The following RABGAP1L variants were observed in gnomAD, a reference collection of about 807,000 sequenced individuals.
RABGAP1L encodes rab GTPase-activating protein 1-like.
RABGAP1L carries 63 observed loss-of-function variants against 137.7 expected under a neutral mutation model. That is an observed-to-expected ratio of 0.46 (90% confidence interval 0.37 to 0.56). The LOEUF (loss-of-function observed/expected upper bound fraction) is 0.56. Ranked by LOEUF, RABGAP1L falls within the 20% of genes least tolerant of loss-of-function variation. The pLI is 0.00. For missense variants in RABGAP1L, 1,095 were observed against 1,244.0 expected (o/e 0.88, Z 1.80); for synonymous variants, 431 against 433.7 (o/e 0.99, Z 0.08).
intron 13 of RABGAP1L, among the ~76,000 whole-genome samples, chr1:174,461,182 T>G (rs1656645353): frequency 6.6e-6 from 1 of 152,196 alleles, no homozygotes; most frequent in Admixed American, 6.5e-5. Context: ...TCTGCCTTTG[T>G]TGCAGTGATA....
intron 17 of RABGAP1L, among the ~76,000 whole-genome samples, chr1:174,744,914 A>G (rs1683753277): frequency 6.6e-6 from 1 of 152,194 alleles, no homozygotes; most frequent in Non-Finnish European, 1.5e-5. Context: ...GGTAAAACTG[A>G]GTGAAGGATA....
chr1:174,449,123 T>C lies in RABGAP1L; in HGVS notation c.1710+54978T>C, dbSNP rs1051949102. The C allele has an allele frequency of 1.2e-6, 2 of 1,612,888 alleles. No homozygotes were observed. Among genetic ancestry groups the C allele is most frequent in the Admixed American group, 1.7e-5 (1 of 59,972 alleles). On this transcript the variant is annotated intron_variant, in intron 13 of 25. Transcript: ENST00000681986. ...AAGACTGTCTGAGACAATGTGCACA[T>C]CCTGTATGTGTGTGAAGGATCAGGA...
At chr1:174,358,552 T>G (rs1286625954) in intron 11 of RABGAP1L, among the ~76,000 whole-genome samples, 1 of 152,198 alleles carries the variant, frequency 6.6e-6, no homozygotes, top group Non-Finnish European at 1.5e-5. Context: ...TGTGACACTT[T>G]CACATCTTTC....
intron 13 of RABGAP1L, among the ~76,000 whole-genome samples, chr1:174,586,525 A>G (rs1360221030): frequency 6.6e-6 from 1 of 152,142 alleles, no homozygotes; most frequent in East Asian, 1.9e-4. Flanking sequence ...CACATCCTGC[A>G]CATGTACCCC....
intron 21 of RABGAP1L, among the ~76,000 whole-genome samples, chr1:174,971,558 T>C (rs987941797): frequency 1.3e-5 from 2 of 152,220 alleles, no homozygotes; most frequent in Non-Finnish European, 2.9e-5. Flanking sequence ...GACCCTCCCT[T>C]TGGGAGCTTT....
intron 13 of RABGAP1L, among the ~76,000 whole-genome samples, chr1:174,460,240 T>C (rs1656524536): frequency 6.6e-6 from 1 of 151,898 alleles, no homozygotes; most frequent in African/African-American, 2.4e-5. Flanking sequence ...TTCCTTTTTT[T>C]CCTCCTCATT....
At chr1:174,208,539 A>G (rs1367026500) in intron 1 of RABGAP1L, among the ~76,000 whole-genome samples, 2 of 152,150 alleles carry the variant, frequency 1.3e-5, no homozygotes, top group Non-Finnish European at 2.9e-5. Flanking sequence ...TTCAATTGAC[A>G]TGATTATGAT....
chr1:174,366,578 T>C (rs1048322284), intron 11 of RABGAP1L, among the ~76,000 whole-genome samples: 22 of 151,888 alleles, frequency 1.4e-4, no homozygotes, highest in Non-Finnish European at 2.4e-4. Flanking sequence ...GAGACCCACC[T>C]GGCCAAAATG....
chr1:174,540,536 T>A (rs967131592), intron 13 of RABGAP1L, among the ~76,000 whole-genome samples: 3 of 152,332 alleles, frequency 2.0e-5, no homozygotes, highest in African/African-American at 7.2e-5. Context: ...CCCAGCACCA[T>A]TTATTAAATA....
At chr1:174,366,818 A>G (rs1464138556) in intron 11 of RABGAP1L, among the ~76,000 whole-genome samples, 1 of 147,934 alleles carries the variant, frequency 6.8e-6, no homozygotes, top group Non-Finnish European at 1.5e-5. Context: ...GAAGTTTAGC[A>G]CTAACAGTAT....
chr1:174,283,273 G>A (rs182691366), intron 10 of RABGAP1L, among the ~76,000 whole-genome samples: 1 of 152,050 alleles, frequency 6.6e-6, no homozygotes, highest in East Asian at 1.9e-4. Context: ...AAGCGTGGTG[G>A]TGTGCACCTG....
chr1:174,751,964 T>A (rs1223804041), intron 17 of RABGAP1L, among the ~76,000 whole-genome samples: 1 of 152,124 alleles, frequency 6.6e-6, no homozygotes, highest in Admixed American at 6.5e-5. Context: ...AGATTAGGGT[T>A]AGGAATTTCA....
At chr1:174,471,556 A>G (rs1657938945) in intron 13 of RABGAP1L, among the ~76,000 whole-genome samples, 1 of 152,234 alleles carries the variant, frequency 6.6e-6, no homozygotes, top group African/African-American at 2.4e-5. Context: ...GGAGCTAAAT[A>G]CTGTCACAAA....
At chr1:174,772,444 C>A (rs529570961) in intron 18 of RABGAP1L, among the ~76,000 whole-genome samples, 14 of 150,908 alleles carry the variant, frequency 9.3e-5, no homozygotes, top group Middle Eastern at 3.4e-3. Context: ...GGTGTTGTGG[C>A]GTGTGCCTGG....
At chr1:174,264,172 C>T (rs10798307) in intron 7 of RABGAP1L, among the ~76,000 whole-genome samples, 57,593 of 151,652 alleles carry the variant, frequency 0.38, 13,535 homozygotes, top group African/African-American at 0.66. Context: ...AAATTTTCAG[C>T]ATATTTTAAT....
intron 13 of RABGAP1L, among the ~76,000 whole-genome samples, chr1:174,454,837 C>T (rs1296695972): frequency 1.3e-5 from 2 of 151,918 alleles, no homozygotes; most frequent in Non-Finnish European, 2.9e-5. Flanking sequence ...CAGGCATGAG[C>T]GACCGCCCCG....
chr1:174,783,316 C>T (rs558729309), intron 18 of RABGAP1L, among the ~76,000 whole-genome samples: 60 of 152,248 alleles, frequency 3.9e-4, no homozygotes, highest in African/African-American at 1.4e-3. Flanking sequence ...TATAACACCG[C>T]ATGGCCCAAG....
At chr1:174,171,474 AT>A (rs898147511) in intron 1 of RABGAP1L, among the ~76,000 whole-genome samples, 73 of 152,218 alleles carry the variant, frequency 4.8e-4, no homozygotes, top group African/African-American at 1.7e-3. Context: ...TCCTTCTATA[AT>A]TTTTAAAATT....
At chr1:174,961,459 A>G (rs1189951845) in intron 20 of RABGAP1L, among the ~76,000 whole-genome samples, 2 of 152,174 alleles carry the variant, frequency 1.3e-5, no homozygotes, top group African/African-American at 4.8e-5. Context: ...TACTTTTTGG[A>G]GATCTGTAGC....
Sources: gnomAD v4.1 joint callset for allele counts (sites outside exome capture counted in the v4.1 genomes callset) on GRCh38, gnomAD v4.1.1 for gene constraint, MANE v1.5 for transcripts, NCBI Gene and HGNC (gene_info 2026-07-23, HGNC 2026-07-21) for gene names.